PLCXD3: variants seen among roughly 807,000 people sequenced by gnomAD.
PLCXD3 encodes the protein phosphatidylinositol specific phospholipase C X domain containing 3, also known as PI-PLC X domain-containing protein 3.
Under a neutral mutation model 25.5 loss-of-function variants are expected in PLCXD3, and 19 were observed. The ratio of observed to expected loss-of-function variants is 0.75; its 90% confidence interval spans 0.52 to 1.09. The LOEUF is 1.09. PLCXD3 is among the 50% of genes least tolerant of loss of function. The pLI is 0.00. For synonymous variants in PLCXD3, 174 were observed against 137.6 expected (o/e 1.26, Z -1.85); for missense variants, 411 against 388.1 (o/e 1.06, Z -0.50).
intron 1 of PLCXD3, among the ~76,000 whole-genome samples, chr5:41,383,055 G>A (rs1282557497): frequency 5.9e-5 from 9 of 152,006 alleles, no homozygotes; most frequent in Non-Finnish European, 2.9e-5. Context: ...AAAGTGATAG[G>A]GGAAAGGAGA....
chr5:41,364,058 G>A (rs999531471), intron 2 of PLCXD3, among the ~76,000 whole-genome samples: 2 of 152,086 alleles, frequency 1.3e-5, no homozygotes, highest in South Asian at 4.1e-4. Context: ...TCCAGCCAGG[G>A]TCAACTCTGT....
chr5:41,397,660 T>C lies in PLCXD3; in HGVS notation c.104-15126A>G, dbSNP rs545817969. Among the ~76,000 whole-genome samples the C allele has an allele frequency of 1.2e-4, 19 of 152,252 alleles. No homozygotes were observed. In the East Asian group the frequency reaches 2.9e-3, roughly 23 times the overall value. On this transcript the variant is annotated intron_variant, in intron 1 of 2. Coordinates refer to ENST00000377801, the MANE Select transcript of PLCXD3 (RefSeq NM_001005473.3). ...GCCCCCAGAATGGTAGATCCACTGA[T>C]AGCTTGCAATGTGTGCCTGGAAAAG... is the stretch of plus-strand genomic sequence containing the variant.
chr5:41,408,620 T>C (rs1417628147), intron 1 of PLCXD3, among the ~76,000 whole-genome samples: 3 of 152,190 alleles, frequency 2.0e-5, no homozygotes, highest in Non-Finnish European at 1.5e-5. Context: ...ATTAATTTTA[T>C]TTTAATAAAC....
intron 1 of PLCXD3, among the ~76,000 whole-genome samples, chr5:41,396,015 CACAAA>C (rs1437146508): frequency 6.8e-6 from 1 of 147,710 alleles, no homozygotes; most frequent in Non-Finnish European, 1.5e-5. Context: ...AAAAAAAAAC[CACAAA>C]ACAAAACAAA....
chr5:41,459,276 C>T (rs2150516479), intron 1 of PLCXD3, among the ~76,000 whole-genome samples: 1 of 151,780 alleles, frequency 6.6e-6, no homozygotes, highest in South Asian at 2.1e-4. Flanking sequence ...GTCATTCAGG[C>T]TAGACAAAAG....
At chr5:41,379,124 G>T (rs1183707592) in intron 2 of PLCXD3, among the ~76,000 whole-genome samples, 2 of 152,110 alleles carry the variant, frequency 1.3e-5, no homozygotes, top group Non-Finnish European at 2.9e-5. Flanking sequence ...TAAAAATGAA[G>T]CTTCTTTCAT....
chr5:41,362,388 A>C (rs933429438), intron 2 of PLCXD3, among the ~76,000 whole-genome samples: 3 of 152,194 alleles, frequency 2.0e-5, no homozygotes, highest in Non-Finnish European at 2.9e-5. Context: ...GATGCTGTGC[A>C]AGGCTAGGTG....
intron 1 of PLCXD3, among the ~76,000 whole-genome samples, chr5:41,497,472 T>C (rs1313235862): frequency 6.6e-6 from 1 of 151,704 alleles, no homozygotes; most frequent in Non-Finnish European, 1.5e-5. Flanking sequence ...ATGAGTCAAG[T>C]CAACCAGGAA....
chr5:41,469,510 C>CAAAA (rs1748103129), intron 1 of PLCXD3, among the ~76,000 whole-genome samples: 1 of 123,972 alleles, frequency 8.1e-6, no homozygotes, highest in Admixed American at 8.2e-5. Context: ...TTTTTTTTTT[C>CAAAA]TCTCAAGTGT....
intron 1 of PLCXD3, among the ~76,000 whole-genome samples, chr5:41,459,823 T>C (rs775043009): frequency 2.0e-5 from 3 of 151,900 alleles, no homozygotes; most frequent in Non-Finnish European, 4.4e-5. Flanking sequence ...TGTACCCAAC[T>C]TAAGGATTGC....
chr5:41,313,410 C>T lies in PLCXD3; in HGVS notation c.*207G>A. 2.0e-6 allele frequency: 1 copy of T among 495,728 alleles called. No individual in the cohort carries two copies. Among genetic ancestry groups the T allele is most frequent in the Non-Finnish European group, 3.4e-6 (1 of 290,824 alleles). 30.7% of individuals were successfully genotyped at this position (495,728 alleles called of 1,614,324 possible). A position where few individuals can be genotyped will look rare whatever the true frequency, so the allele number is the denominator to read the frequency against. On this transcript the variant is annotated 3_prime_UTR_variant, in exon 3 of 3. Coordinates refer to ENST00000377801, the MANE Select transcript of PLCXD3 (RefSeq NM_001005473.3). The stretch of plus-strand genomic sequence containing the variant: ...TTCCTAACACTAGAAGTAGATTTTG[C>T]TCATCAAATGGGAAATGAAATATTT...
At chr5:41,364,376 C>A (rs912625353) in intron 2 of PLCXD3, among the ~76,000 whole-genome samples, 4 of 152,148 alleles carry the variant, frequency 2.6e-5, no homozygotes, top group African/African-American at 9.7e-5. Context: ...AAAGTGAGTG[C>A]ATGTATTTTT....
chr5:41,507,651 T>TA (rs1239012996), intron 1 of PLCXD3, among the ~76,000 whole-genome samples: 1 of 152,176 alleles, frequency 6.6e-6, no homozygotes, highest in Non-Finnish European at 1.5e-5. Flanking sequence ...CCCAGTTGGG[T>TA]AGCCTTATAA....
At chr5:41,505,587 T>A (rs676328) in intron 1 of PLCXD3, among the ~76,000 whole-genome samples, 3 of 152,108 alleles carry the variant, frequency 2.0e-5, no homozygotes, top group Admixed American at 1.3e-4. Context: ...AAGAGTGACT[T>A]AAATGGACAA....
chr5:41,492,217 ATTCTGGGTTGAAAATTATT>A (rs1300959120), intron 1 of PLCXD3, among the ~76,000 whole-genome samples: 2 of 152,196 alleles, frequency 1.3e-5, no homozygotes, highest in Non-Finnish European at 2.9e-5. Context: ...TGGATATGAA[ATTCTGGGTTGAAAATTATT>A]TTCTTTAAGA....
intron 2 of PLCXD3, among the ~76,000 whole-genome samples, chr5:41,360,997 AG>A (rs1381179147): frequency 6.6e-6 from 1 of 151,930 alleles, no homozygotes; most frequent in African/African-American, 2.4e-5. Context: ...TTCTGCTACC[AG>A]GGCAGGTAGA....
intron 2 of PLCXD3, among the ~76,000 whole-genome samples, chr5:41,350,319 C>T (rs1040572557): frequency 2.0e-5 from 3 of 152,164 alleles, no homozygotes; most frequent in African/African-American, 4.8e-5. Flanking sequence ...GTTCCCACTA[C>T]CTGACCCCAT....
chr5:41,351,194 T>A (rs1051223455), intron 2 of PLCXD3, among the ~76,000 whole-genome samples: 2 of 152,148 alleles, frequency 1.3e-5, no homozygotes, highest in African/African-American at 4.8e-5. Flanking sequence ...AAACAAACAA[T>A]CAGGGTAGAA....
chr5:41,400,292 A>C (rs1366810841), intron 1 of PLCXD3, among the ~76,000 whole-genome samples: 1 of 152,022 alleles, frequency 6.6e-6, no homozygotes, highest in South Asian at 2.1e-4. Flanking sequence ...TTCCTCAAAA[A>C]CCTAGAAATA....
Sources: allele counts gnomAD v4.1 joint callset (sites outside exome capture counted in the v4.1 genomes callset), GRCh38; gene constraint gnomAD v4.1.1; transcripts MANE v1.5; gene names NCBI Gene and HGNC (gene_info 2026-07-23, HGNC 2026-07-21).